Variants in GRIA2 observed in about 807,000 individuals in gnomAD.
The protein encoded by GRIA2 is glutamate receptor 2.
A neutral mutation model predicts 97.3 loss-of-function variants in GRIA2; 14 were observed. The observed-to-expected ratio is 0.14, with a 90% CI of 0.10 to 0.23. GRIA2 has a LOEUF of 0.23. Ranked by LOEUF, GRIA2 falls within the 10% of genes least tolerant of loss-of-function variation. GRIA2 has a pLI of 1.00. For synonymous variants in GRIA2, 412 were observed against 387.8 expected (o/e 1.06, Z -0.73); for missense variants, 558 against 1,069.8 (o/e 0.52, Z 6.67).
intron 2 of GRIA2, among the ~76,000 whole-genome samples, chr4:157,261,602 C>A (rs1233356362): frequency 6.6e-6 from 1 of 152,026 alleles, no homozygotes; most frequent in Non-Finnish European, 1.5e-5. Flanking sequence ...ACAAACTTGT[C>A]ACATAAGCCA....
chr4:157,330,662 AT>A (rs1321443335), intron 6 of GRIA2, among the ~76,000 whole-genome samples: 10 of 152,112 alleles, frequency 6.6e-5, no homozygotes, highest in African/African-American at 2.4e-4. Flanking sequence ...TGCATATTTC[AT>A]TTTATTTTTG....
At chr4:157,292,977 C>T (rs906742912) in intron 2 of GRIA2, among the ~76,000 whole-genome samples, 6 of 151,914 alleles carry the variant, frequency 3.9e-5, no homozygotes, top group African/African-American at 1.5e-4. Flanking sequence ...GTCAAGAGTA[C>T]AAAAACGTAA....
At chr4:157,363,402 C>A (rs1047603334) in intron 15 of GRIA2, 33 bp from the exon 16 acceptor site, 17 of 1,228,638 alleles carry the variant, frequency 1.4e-5, no homozygotes, top group East Asian at 6.2e-5. Flanking sequence ...CGTATGATTT[C>A]TTTTTCTTTC....
At chr4:157,303,463 A>G in intron 2 of GRIA2, 89 bp from the exon 3 acceptor site, 1 of 1,036,050 alleles carries the variant, frequency 9.7e-7, no homozygotes, top group Non-Finnish European at 1.5e-6. Flanking sequence ...TTTGTATTTT[A>G]TGTAAAAGGA....
chr4:157,251,318 A>G (rs1379518266), intron 2 of GRIA2, among the ~76,000 whole-genome samples: 1 of 152,094 alleles, frequency 6.6e-6, no homozygotes, highest in South Asian at 2.1e-4. Flanking sequence ...TTTTTCTGAC[A>G]GGGTGGCTTA....
At chr4:157,294,761 C>G (rs910934331) in intron 2 of GRIA2, among the ~76,000 whole-genome samples, 1 of 152,220 alleles carries the variant, frequency 6.6e-6, no homozygotes, top group African/African-American at 2.4e-5. Context: ...CAGCAGCACA[C>G]AGCTGGCTGG....
At chr4:157,325,974 C>G (rs923301811) in intron 6 of GRIA2, among the ~76,000 whole-genome samples, 1 of 152,106 alleles carries the variant, frequency 6.6e-6, no homozygotes, top group Non-Finnish European at 1.5e-5. Flanking sequence ...CAATGTCTCT[C>G]CATTTCACTT....
rs552836193 is a variant in GRIA2 at position 157,310,513 on chromosome 4, G to T, written c.470-2166G>T. On this transcript the variant is annotated intron_variant, in intron 3 of 15. Coordinates refer to ENST00000264426, the MANE Select transcript of GRIA2 (RefSeq NM_001083619.3). ...TAAAGACTAGTATATGAGCAATTTTGCTTGATCTATATCTCTTTTTTTCCC... is the reference window on the plus strand; with the variant it reads ...TAAAGACTAGTATATGAGCAATTTTTCTTGATCTATATCTCTTTTTTTCCC... Among the ~76,000 whole-genome samples the T allele has an allele frequency of 2.0e-5, 3 of 152,012 alleles. No homozygotes were observed. The East Asian group carries it at 5.8e-4, about 29-fold the overall frequency.
At chr4:157,303,467 A>G in intron 2 of GRIA2, 85 bp from the exon 3 acceptor site, 1 of 1,098,326 alleles carries the variant, frequency 9.1e-7, no homozygotes, top group East Asian at 2.4e-5. Flanking sequence ...TATTTTATGT[A>G]AAAGGACATT....
At chr4:157,287,461 C>T (rs189225032) in intron 2 of GRIA2, among the ~76,000 whole-genome samples, 30 of 151,612 alleles carry the variant, frequency 2.0e-4, no homozygotes, top group African/African-American at 7.2e-4. Flanking sequence ...AGTTGGGTCT[C>T]ATTAATCTGT....
At chr4:157,268,272 G>A (rs1312475860) in intron 2 of GRIA2, among the ~76,000 whole-genome samples, 3 of 151,952 alleles carry the variant, frequency 2.0e-5, no homozygotes, top group Non-Finnish European at 4.4e-5. Flanking sequence ...GGGAATCTTG[G>A]TGTTTCTAGT....
intron 2 of GRIA2, among the ~76,000 whole-genome samples, chr4:157,266,147 T>C (rs973887441): frequency 5.3e-5 from 8 of 152,130 alleles, no homozygotes; most frequent in Non-Finnish European, 1.2e-4. Context: ...AGTTCCGTTT[T>C]AGAGCTATTT....
intron 14 of GRIA2, chr4:157,362,432 C>T (rs1296470514): frequency 4.3e-6 from 2 of 462,764 alleles, no homozygotes; most frequent in South Asian, 3.1e-5. Context: ...GTCAGCTTTA[C>T]CAGATTATTT....
chr4:157,343,574 A>G (rs957167888), intron 12 of GRIA2, among the ~76,000 whole-genome samples: 2 of 152,066 alleles, frequency 1.3e-5, no homozygotes, highest in African/African-American at 2.4e-5. Flanking sequence ...CTCTCAAACT[A>G]TCTCCAAAAG....
At chr4:157,289,511 T>A (rs1021291412) in intron 2 of GRIA2, among the ~76,000 whole-genome samples, 1 of 151,854 alleles carries the variant, frequency 6.6e-6, no homozygotes, top group East Asian at 1.9e-4. Flanking sequence ...GATGAGAAGA[T>A]AATGTACAGG....
rs532402952 is a variant in GRIA2 at position 157,250,173 on chromosome 4, T to A, written c.229+28366T>A. ...CAGCTTTAAGTTGAAGATACAAGTATAACTGCTTCAAGATTATATTCCTTG... is the reference window on the plus strand; with the variant it reads ...CAGCTTTAAGTTGAAGATACAAGTAAAACTGCTTCAAGATTATATTCCTTG... On this transcript the variant is annotated intron_variant, in intron 2 of 15. Transcript: ENST00000264426. Among the ~76,000 whole-genome samples, 11 of 152,280 alleles carry A rather than the reference T, an allele frequency of 7.2e-5. No individual in the cohort carries two copies. The East Asian group carries it at 2.1e-3, about 29-fold the overall frequency.
chr4:157,288,654 C>A (rs1409892232), intron 2 of GRIA2, among the ~76,000 whole-genome samples: 1 of 151,572 alleles, frequency 6.6e-6, no homozygotes, highest in Non-Finnish European at 1.5e-5. Flanking sequence ...GGAAGTTGGG[C>A]TATTTAAAAA....
rs562318375 is a variant in GRIA2, at chr4:157,359,884, C to T, written c.2044-12C>T. Reference sequence around the variant, plus strand: ...TCTCTTAATGCTATCTGGCCCCTTACTTTTCCTGCAGAGATCTAAAATTGC... The same window carrying T: ...TCTCTTAATGCTATCTGGCCCCTTATTTTTCCTGCAGAGATCTAAAATTGC... On this transcript the variant is annotated splice_polypyrimidine_tract_variant and intron_variant, in intron 12 of 15. Coordinates refer to ENST00000264426, the MANE Select transcript of GRIA2 (RefSeq NM_001083619.3). 3.6e-5 allele frequency: 58 copies of T among 1,611,566 alleles called. No individual in the cohort carries two copies. The East Asian group carries it at 1.1e-3, about 30-fold the overall frequency.
chr4:157,360,616 A>G, intron 13 of GRIA2: 1 of 443,504 alleles, frequency 2.3e-6, no homozygotes, highest in Non-Finnish European at 4.4e-6. Context: ...TACTTTGGGG[A>G]AAGGAAAATG....
Sources: allele counts gnomAD v4.1 joint callset (sites outside exome capture counted in the v4.1 genomes callset), GRCh38; gene constraint gnomAD v4.1.1; transcripts MANE v1.5; gene names NCBI Gene and HGNC (gene_info 2026-07-23, HGNC 2026-07-21).